The following GRIN2A variants were observed in gnomAD, a reference collection of about 807,000 sequenced individuals.
GRIN2A encodes the protein glutamate receptor ionotropic, NMDA 2A.
A neutral mutation model predicts 113.4 loss-of-function variants in GRIN2A; 22 were observed. The observed-to-expected ratio is 0.19, with a 90% CI of 0.14 to 0.28. The LOEUF is 0.28. Among genes scored for constraint, GRIN2A ranks in the 10% least tolerant of loss-of-function variants. The pLI is 1.00. For missense variants in GRIN2A, 1,502 were observed against 1,887.0 expected, an observed-to-expected ratio of 0.80 and a Z score of 3.78; for synonymous variants, 827 against 738.4, an observed-to-expected ratio of 1.12 and a Z score of -1.94.
In GRIN2A at chr16:10,054,545, C is replaced by T. The variant is rs995843277; in HGVS notation, c.415-115994G>A. Among the ~76,000 whole-genome samples, 9 of 152,258 alleles carry T rather than the reference C, an allele frequency of 5.9e-5. No individual in the cohort carries two copies. The East Asian group carries it at 1.7e-3, about 29-fold the overall frequency. On this transcript the variant is annotated intron_variant, in intron 2 of 12. Transcript: ENST00000330684. Reference sequence around the variant, plus strand: ...ATGACCCAGAAATTTTACTTACAGGCATATATCATTAAGAAAATTTCTCAT... The same window carrying T: ...ATGACCCAGAAATTTTACTTACAGGTATATATCATTAAGAAAATTTCTCAT...
chr16:9,831,574 G>A (rs1258755585), intron 8 of GRIN2A, among the ~76,000 whole-genome samples: 1 of 145,898 alleles, frequency 6.9e-6, no homozygotes, highest in Non-Finnish European at 1.5e-5. Context: ...GCAGTGCAGT[G>A]GCACAATCTC....
intron 2 of GRIN2A, among the ~76,000 whole-genome samples, chr16:9,988,512 A>G (rs2046032880): frequency 6.6e-6 from 1 of 151,254 alleles, no homozygotes; most frequent in South Asian, 2.1e-4. Flanking sequence ...TTGTCCAGCC[A>G]TCTCTCTCCT....
intron 2 of GRIN2A, among the ~76,000 whole-genome samples, chr16:10,047,341 T>C (rs1487695129): frequency 6.6e-6 from 1 of 152,186 alleles, no homozygotes; most frequent in Admixed American, 6.5e-5. Flanking sequence ...ATCGGGGTGA[T>C]AAAGTCTACC....
In GRIN2A at chr16:10,028,354, T is replaced by G. The variant is rs1596440230; in HGVS notation, c.415-89803A>C. On this transcript the variant is annotated intron_variant, in intron 2 of 12. Coordinates refer to ENST00000330684, the MANE Select transcript of GRIN2A (RefSeq NM_001134407.3). ...GTGATGGCTACAGGTCCAAAATGAATGTGTGCTCCCATTTACACAGTGTGG... is the reference window on the plus strand; with the variant it reads ...GTGATGGCTACAGGTCCAAAATGAAGGTGTGCTCCCATTTACACAGTGTGG... Among the ~76,000 whole-genome samples the G allele has an allele frequency of 5.3e-5, 8 of 151,538 alleles. 1 individual carries two copies. Among genetic ancestry groups the G allele is most frequent in the Admixed American group, 5.3e-4 (8 of 15,230 alleles).
chr16:10,015,052 G>A (rs976367351), intron 2 of GRIN2A, among the ~76,000 whole-genome samples: 8 of 151,592 alleles, frequency 5.3e-5, no homozygotes, highest in Admixed American at 2.0e-4. Context: ...TCAGGAGTTC[G>A]GGACCAGCCT....
At chr16:9,817,979 GA>G (rs1166932493) in intron 10 of GRIN2A, among the ~76,000 whole-genome samples, 1 of 152,038 alleles carries the variant, frequency 6.6e-6, no homozygotes, top group African/African-American at 2.4e-5. Flanking sequence ...CAGAGGGATG[GA>G]ACCTTCTACA....
At chr16:10,072,528 G>C (rs1349124394) in intron 2 of GRIN2A, among the ~76,000 whole-genome samples, 5 of 152,278 alleles carry the variant, frequency 3.3e-5, no homozygotes, top group Admixed American at 3.3e-4. Flanking sequence ...CTAGGATGGA[G>C]GGAAGTTGTA....
chr16:10,112,761 G>T, intron 2 of GRIN2A: 1 of 715,818 alleles, frequency 1.4e-6, no homozygotes. Context: ...CTACCTCATA[G>T]CGAGTAACCA....
intron 3 of GRIN2A, among the ~76,000 whole-genome samples, chr16:9,934,706 G>T (rs1217679188): frequency 2.2e-5 from 2 of 90,962 alleles, no homozygotes; most frequent in South Asian, 3.0e-4. Context: ...AAAAAAAAAA[G>T]GAGATATAAT....
At chr16:10,039,538 A>G (rs1958498089) in intron 2 of GRIN2A, among the ~76,000 whole-genome samples, 3 of 151,992 alleles carry the variant, frequency 2.0e-5, no homozygotes, top group African/African-American at 7.3e-5. Context: ...GATGGGAGCA[A>G]GGCTTACCAA....
chr16:10,100,536 G>C (rs957264880), intron 2 of GRIN2A, among the ~76,000 whole-genome samples: 39 of 152,196 alleles, frequency 2.6e-4, no homozygotes, highest in African/African-American at 9.2e-4. Context: ...AGTGAAATGA[G>C]ATGGCATGTA....
At chr16:10,078,985 A>G (rs1212272651) in intron 2 of GRIN2A, among the ~76,000 whole-genome samples, 1 of 152,240 alleles carries the variant, frequency 6.6e-6, no homozygotes, top group Non-Finnish European at 1.5e-5. Context: ...AACAATAACA[A>G]TACAGCCTTA....
chr16:10,127,981 G>GCTCAAC (rs1232929827), intron 2 of GRIN2A, among the ~76,000 whole-genome samples: 1 of 152,092 alleles, frequency 6.6e-6, no homozygotes, highest in Non-Finnish European at 1.5e-5. Context: ...CATAGCATGA[G>GCTCAAC]CTCAACCTCC....
chr16:10,164,936 G>T (rs138360307), intron 2 of GRIN2A, among the ~76,000 whole-genome samples: 85 of 152,342 alleles, frequency 5.6e-4, no homozygotes, highest in African/African-American at 2.0e-3. Context: ...CCAGAGTTAA[G>T]TGACAGAGAT....
chr16:10,026,424 T>G (rs2046823139), intron 2 of GRIN2A, among the ~76,000 whole-genome samples: 1 of 152,174 alleles, frequency 6.6e-6, no homozygotes, highest in Non-Finnish European at 1.5e-5. Context: ...TGCATTTCCT[T>G]TCTCTGCATC....
intron 4 of GRIN2A, among the ~76,000 whole-genome samples, chr16:9,851,995 A>G (rs2042891163): frequency 6.6e-6 from 1 of 152,208 alleles, no homozygotes; most frequent in Non-Finnish European, 1.5e-5. Flanking sequence ...AGTAATATAG[A>G]ACTTTGCGCA....
rs1900265130 is a variant in GRIN2A, at chr16:9,754,032, G to C, written c.*9117C>G. On this transcript the variant is annotated 3_prime_UTR_variant, in exon 13 of 13. Coordinates refer to ENST00000330684, the MANE Select transcript of GRIN2A (RefSeq NM_001134407.3). ...GCAACAAGTCATATTATTAATACGT[G>C]AGTGAAAAATGAATCATTTATCCTC... is the stretch of plus-strand genomic sequence containing the variant. 1 of 182,416 alleles carries C rather than the reference G, an allele frequency of 5.5e-6. No homozygotes were observed. Among genetic ancestry groups the C allele is most frequent in the Non-Finnish European group, 1.2e-5 (1 of 85,730 alleles). The allele number at this position is 182,416 out of a possible 1,614,324, so 11.3% of individuals were successfully genotyped here.
rs144593551 is a variant in GRIN2A at position 10,035,408 on chromosome 16, G to A, written c.415-96857C>T. ...ACCCTCCAAACTGTACTGCTCCTCTGAAGAAGTCTCACACATCTATATCTC... is the reference window on the plus strand; with the variant it reads ...ACCCTCCAAACTGTACTGCTCCTCTAAAGAAGTCTCACACATCTATATCTC... On this transcript the variant is annotated intron_variant, in intron 2 of 12. Coordinates refer to ENST00000330684, the MANE Select transcript of GRIN2A (RefSeq NM_001134407.3). 3.0e-4 allele frequency among the ~76,000 whole-genome samples: 46 copies of A among 152,194 alleles called. No individual in the cohort carries two copies. In the East Asian group the frequency reaches 8.9e-3, roughly 29 times the overall value.
rs2141137113 is a variant in GRIN2A at position 9,764,762 on chromosome 16, C to T, written c.2782G>A (p.Gly928Ser). Residue 928 changes from glycine to serine, a missense_variant, in exon 13 of 13, where the codon GGT becomes AGT. Physicochemically the swap from Gly to Ser is moderately conservative, Grantham distance 56. Coordinates refer to ENST00000330684, the MANE Select transcript of GRIN2A (RefSeq NM_001134407.3). ...GAAACCATGTCCATGATGAGGGAACCTCTTTGGATGAAGTCAGCAGCTCTT... is the reference window on the plus strand; with the variant it reads ...GAAACCATGTCCATGATGAGGGAACTTCTTTGGATGAAGTCAGCAGCTCTT... ...PKRAADFIQRGSLIMDMVSDK... is the reference protein window; with the variant it reads ...PKRAADFIQRSSLIMDMVSDK... 3 of 1,614,186 alleles carry T rather than the reference C, an allele frequency of 1.9e-6. No homozygotes were observed. Among genetic ancestry groups the T allele is most frequent in the Non-Finnish European group, 2.5e-6 (3 of 1,180,002 alleles).
Sources: allele counts gnomAD v4.1 joint callset (sites outside exome capture counted in the v4.1 genomes callset), GRCh38; gene constraint gnomAD v4.1.1; transcripts MANE v1.5; gene names NCBI Gene and HGNC (gene_info 2026-07-23, HGNC 2026-07-21).